The following MASP1 variants were observed in gnomAD, a reference collection of about 807,000 sequenced individuals.
MASP1 encodes mannan-binding lectin serine protease 1.
Under a neutral mutation model 77.1 loss-of-function variants are expected in MASP1, and 59 were observed. The observed-to-expected ratio is 0.77, with a 90% CI of 0.62 to 0.95. MASP1 has a LOEUF of 0.95. Ranked by LOEUF, MASP1 falls within the 40% of genes least tolerant of loss-of-function variation. The probability of loss-of-function intolerance (pLI) is 0.00; values close to 1 mark genes in which losing one functional copy is unlikely to be tolerated. For synonymous variants in MASP1, 362 were observed against 354.5 expected (o/e 1.02, Z -0.24); for missense variants, 885 against 912.9 (o/e 0.97, Z 0.39).
At chr3:187,268,318 C>T (rs1220846908) in intron 2 of MASP1, among the ~76,000 whole-genome samples, 1 of 151,806 alleles carries the variant, frequency 6.6e-6, no homozygotes, top group Non-Finnish European at 1.5e-5. Flanking sequence ...CCTGTCTCTA[C>T]AAAAAATACA....
chr3:187,265,207 G>T (rs149817585), intron 2 of MASP1, among the ~76,000 whole-genome samples: 1 of 152,136 alleles, frequency 6.6e-6, no homozygotes, highest in Admixed American at 6.5e-5. Flanking sequence ...TGTTAATAAT[G>T]AATAGTCATG....
At chr3:187,258,480 G>A (rs1273882151) in intron 4 of MASP1, among the ~76,000 whole-genome samples, 1 of 152,174 alleles carries the variant, frequency 6.6e-6, no homozygotes, top group Non-Finnish European at 1.5e-5. Flanking sequence ...AATATTCACA[G>A]CTCCTCCTAT....
chr3:187,260,066 T>C (rs1009089919), intron 4 of MASP1, among the ~76,000 whole-genome samples: 1 of 152,170 alleles, frequency 6.6e-6, no homozygotes. Flanking sequence ...ATTACATAAA[T>C]GTAATGGAAA....
chr3:187,237,114 T>A (rs1434607953), intron 10 of MASP1, among the ~76,000 whole-genome samples: 3 of 152,200 alleles, frequency 2.0e-5, no homozygotes, highest in Admixed American at 1.3e-4. Context: ...CCATTTCCCA[T>A]GTAACTCTGA....
At chr3:187,242,381 A>C (rs945274132) in intron 9 of MASP1, 1 of 152,248 alleles carries the variant, frequency 6.6e-6, no homozygotes, top group East Asian at 1.9e-4. Context: ...GCATGGTGGC[A>C]AGCTTCTGTA....
chr3:187,243,736 G>A lies in MASP1; in HGVS notation c.1091-115C>T. 2.2e-6 allele frequency: 3 copies of A among 1,340,386 alleles called. 1 individual carries two copies. In the South Asian group the frequency reaches 3.5e-5, roughly 16 times the overall value. The allele number at this position is 1,340,386 out of a possible 1,614,324, so 83.0% of individuals were successfully genotyped here. Reference sequence around the variant, plus strand: ...TGTGCACTGCACACAATTCCAGAAAGCAATGTTATAATGCCTCTGAAGGGC... The same window carrying A: ...TGTGCACTGCACACAATTCCAGAAAACAATGTTATAATGCCTCTGAAGGGC... On this transcript the variant is annotated intron_variant, in intron 8 of 10. Coordinates refer to ENST00000296280, the MANE Select transcript of MASP1 (RefSeq NM_139125.4).
chr3:187,249,469 A>C (rs1714378900), intron 8 of MASP1, among the ~76,000 whole-genome samples: 1 of 152,124 alleles, frequency 6.6e-6, no homozygotes, highest in Non-Finnish European at 1.5e-5. Context: ...GGCCATAATA[A>C]GTTTCTAAAA....
chr3:187,274,241 A>G (rs1716769924), intron 2 of MASP1, among the ~76,000 whole-genome samples: 1 of 152,090 alleles, frequency 6.6e-6, no homozygotes, highest in South Asian at 2.1e-4. Flanking sequence ...TGATGATGAT[A>G]ATAATTCCTT....
At chr3:187,289,074 G>A (rs1208475146) in intron 1 of MASP1, among the ~76,000 whole-genome samples, 2 of 152,142 alleles carry the variant, frequency 1.3e-5, no homozygotes, top group African/African-American at 4.8e-5. Context: ...GGCACCGGCT[G>A]TATAGTTCCC....
rs372529422 is a variant in MASP1, at chr3:187,251,630, G to C, written c.1011+4C>G. ...ACTCCCCTTTCCCAGGCAAGGCTCT[G>C]CACCTTCAGCACTTTGTAGCCTGTG... On this transcript the variant is annotated splice_donor_region_variant and intron_variant, in intron 7 of 10. Transcript: ENST00000296280. The C allele has an allele frequency of 5.0e-6, 8 of 1,612,582 alleles. No individual in the cohort carries two copies. The African/African-American group carries it at 9.4e-5, about 19-fold the overall frequency.
intron 1 of MASP1, among the ~76,000 whole-genome samples, chr3:187,286,912 C>T (rs1352878664): frequency 1.3e-5 from 2 of 152,212 alleles, no homozygotes; most frequent in African/African-American, 4.8e-5. Flanking sequence ...CTACCATCAA[C>T]CAGTTCCCTG....
chr3:187,243,416 C>T (rs1173911789), intron 9 of MASP1, 68 bp downstream of exon 9: 62 of 1,565,108 alleles, frequency 4.0e-5, no homozygotes, highest in African/African-American at 6.8e-5. Context: ...CTGTCTCGGC[C>T]CCCAGTCCAA....
chr3:187,233,084 G>T (rs1231996597), downstream of MASP1, among the ~76,000 whole-genome samples: 1 of 152,158 alleles, frequency 6.6e-6, no homozygotes, highest in Non-Finnish European at 1.5e-5. Context: ...CCTATGGGTG[G>T]TGGGTCTGCA....
At chr3:187,220,694 C>T (rs1001356845) in intron 15 of MASP1, among the ~76,000 whole-genome samples, 5 of 151,902 alleles carry the variant, frequency 3.3e-5, no homozygotes, top group African/African-American at 9.7e-5. Context: ...GATGGGATTT[C>T]GCCATGTTAG....
At chr3:187,278,502 C>T (rs998536502) in intron 2 of MASP1, among the ~76,000 whole-genome samples, 1 of 152,216 alleles carries the variant, frequency 6.6e-6, no homozygotes, top group Non-Finnish European at 1.5e-5. Flanking sequence ...TGTCTCTGTG[C>T]TCTTTCTACA....
chr3:187,223,900 T>C (rs1712219572), intron 13 of MASP1, among the ~76,000 whole-genome samples: 1 of 152,230 alleles, frequency 6.6e-6, no homozygotes, highest in Non-Finnish European at 1.5e-5. Flanking sequence ...CACCTCACCC[T>C]GCTGATCCTT....
At chr3:187,248,869 A>G (rs1484023347) in intron 8 of MASP1, among the ~76,000 whole-genome samples, 1 of 152,180 alleles carries the variant, frequency 6.6e-6, no homozygotes, top group Non-Finnish European at 1.5e-5. Flanking sequence ...GAACAATCGT[A>G]TTTTACTTCA....
chr3:187,276,468 A>T (rs563956809), intron 2 of MASP1: 1 of 152,354 alleles, frequency 6.6e-6, no homozygotes, highest in South Asian at 2.1e-4. Context: ...TTATAAGCAC[A>T]TCGAAGTAAA....
rs765233396 is a variant in MASP1, at chr3:187,234,980, G to T, written c.*704C>A. The T allele has an allele frequency of 7.8e-7, 1 of 1,287,208 alleles. No individual in the cohort carries two copies. Among genetic ancestry groups the T allele is most frequent in the Non-Finnish European group, 1.0e-6 (1 of 988,692 alleles). The allele number at this position is 1,287,208 out of a possible 1,614,324, so 79.7% of individuals were successfully genotyped here. ...TTTAAGGGCTTGGTGGGCCTCCCAC[G>T]GCTATTCTGCTCCCAGCAGTCAGCA... On this transcript the variant is annotated 3_prime_UTR_variant, in exon 11 of 11. Transcript: ENST00000296280.
Sources: gnomAD v4.1 joint callset for allele counts (sites outside exome capture counted in the v4.1 genomes callset) on GRCh38, gnomAD v4.1.1 for gene constraint, MANE v1.5 for transcripts, NCBI Gene and HGNC (gene_info 2026-07-23, HGNC 2026-07-21) for gene names.